The following DGLUCY variants were observed in gnomAD, a reference collection of about 807,000 sequenced individuals.
The protein encoded by DGLUCY is D-glutamate cyclase.
DGLUCY carries 58 observed loss-of-function variants against 58.5 expected under a neutral mutation model. The observed-to-expected ratio is 0.99, with a 90% confidence interval of 0.80 to 1.23. The LOEUF is 1.23. Ranked by LOEUF, DGLUCY falls within the 50% of genes most tolerant of loss-of-function variation. The pLI is 0.00. For missense variants in DGLUCY, 779 were observed against 784.7 expected, an observed-to-expected ratio of 0.99 and a Z score of 0.09; for synonymous variants, 325 against 314.1, an observed-to-expected ratio of 1.03 and a Z score of -0.37.
At chr14:91,061,169 G>C (rs373402636) in intron 1 of DGLUCY, among the ~76,000 whole-genome samples, 7 of 152,182 alleles carry the variant, frequency 4.6e-5, no homozygotes, top group Non-Finnish European at 1.0e-4. Context: ...TAAGGGTCCC[G>C]GCAGCGATCC....
At chr14:91,067,021 C>T (rs1440526211) in intron 1 of DGLUCY, among the ~76,000 whole-genome samples, 8 of 140,030 alleles carry the variant, frequency 5.7e-5, no homozygotes, top group Non-Finnish European at 1.2e-4. Context: ...GTGGAGCTTG[C>T]AGTGAGCCCA....
At chr14:91,153,733 C>T (rs2047449359) in intron 1 of DGLUCY, among the ~76,000 whole-genome samples, 1 of 152,174 alleles carries the variant, frequency 6.6e-6, no homozygotes, top group Non-Finnish European at 1.5e-5. Flanking sequence ...TGAAGGCAGC[C>T]TCTCCCCTGC....
rs773221166 is a variant in DGLUCY at position 91,181,182 on chromosome 14, T to G, written c.731-4T>G. 2.5e-6 allele frequency: 4 copies of G among 1,613,974 alleles called. No individual in the cohort carries two copies. Among genetic ancestry groups the G allele is most frequent in the Non-Finnish European group, 3.4e-6 (4 of 1,179,968 alleles). On this transcript the variant is annotated splice_region_variant and splice_polypyrimidine_tract_variant and intron_variant, in intron 7 of 13. Transcript: ENST00000256324. The stretch of plus-strand genomic sequence containing the variant: ...GGCTCAGACCCTCCTGCTGTGTGTT[T>G]TAGAGACCCCACTGGCTTTTGCCAG...
chr14:91,085,552 GT>G (rs112213563), intron 1 of DGLUCY, among the ~76,000 whole-genome samples: 6 of 134,908 alleles, frequency 4.4e-5, no homozygotes, highest in South Asian at 2.4e-4. Flanking sequence ...AAGTTCCTTT[GT>G]TTTTTTTTTG....
chr14:91,072,990 C>T (rs778358405), intron 1 of DGLUCY, among the ~76,000 whole-genome samples: 4 of 151,790 alleles, frequency 2.6e-5, no homozygotes, highest in Non-Finnish European at 5.9e-5. Flanking sequence ...GCCTGGGTGA[C>T]AGCAAAAAAA....
intron 1 of DGLUCY, among the ~76,000 whole-genome samples, chr14:91,083,810 A>G (rs2044168067): frequency 6.6e-6 from 1 of 152,084 alleles, no homozygotes; most frequent in Non-Finnish European, 1.5e-5. Context: ...TTCAGGGTTC[A>G]GCTTGGCTGT....
intron 6 of DGLUCY, chr14:91,175,619 C>A (rs973073989): frequency 3.7e-6 from 1 of 266,752 alleles, no homozygotes; most frequent in East Asian, 8.5e-5. Context: ...GGTCAACCCC[C>A]CAAGGCTGGC....
chr14:91,084,573 A>G (rs2044181106), intron 1 of DGLUCY, among the ~76,000 whole-genome samples: 1 of 152,088 alleles, frequency 6.6e-6, no homozygotes, highest in Non-Finnish European at 1.5e-5. Context: ...CAAGCCCTAA[A>G]GCAATTACAG....
chr14:91,183,951 GC>G (rs2049332931), intron 8 of DGLUCY, among the ~76,000 whole-genome samples: 1 of 152,036 alleles, frequency 6.6e-6, no homozygotes. Context: ...GGTACAAACC[GC>G]CCTTGGCACC....
In DGLUCY at chr14:91,199,973, GT is replaced by G; in HGVS notation, c.1444+70del. On this transcript the variant is annotated intron_variant, in intron 11 of 13. Coordinates refer to ENST00000256324, the MANE Select transcript of DGLUCY (RefSeq NM_001102368.3). ...TGAAGTGTCTTTTGTTGTTGTTGTT[GT>G]TATGGAGTCTTGCTCTGTCACCCAG... 5 of 1,578,436 alleles carry G rather than the reference GT, an allele frequency of 3.2e-6. No homozygotes were observed. In the Admixed American group the frequency reaches 5.1e-5, roughly 16 times the overall value.
At chr14:91,212,978 G>A (rs111915987) in intron 12 of DGLUCY, among the ~76,000 whole-genome samples, 1,984 of 150,476 alleles carry the variant, frequency 0.013, 45 homozygotes, top group African/African-American at 0.047. Context: ...TCCAGCCCGG[G>A]TGACAGAGTA....
upstream of DGLUCY, among the ~76,000 whole-genome samples, chr14:91,112,443 G>A (rs1049745904): frequency 5.9e-5 from 9 of 152,162 alleles, no homozygotes; most frequent in Non-Finnish European, 1.3e-4. Context: ...GAACACACGT[G>A]ATGGGTAGCT....
chr14:91,169,657 G>A (rs1180880743), intron 4 of DGLUCY, among the ~76,000 whole-genome samples: 4 of 151,442 alleles, frequency 2.6e-5, no homozygotes, highest in African/African-American at 7.3e-5. Flanking sequence ...TGATCTGCCC[G>A]CCTCGGCCTC....
intron 9 of DGLUCY, among the ~76,000 whole-genome samples, chr14:91,193,303 A>T (rs1006005165): frequency 6.6e-6 from 1 of 152,142 alleles, no homozygotes; most frequent in Non-Finnish European, 1.5e-5. Context: ...GGGTATTTTC[A>T]GCTGCCCCCT....
At chr14:91,220,370 A>G (rs1397998394) in intron 13 of DGLUCY, 6 of 409,590 alleles carry the variant, frequency 1.5e-5, no homozygotes, top group East Asian at 7.2e-5. Flanking sequence ...CAAGTGTTCA[A>G]TAAATGCCAA....
rs200494277 is a variant in DGLUCY, at chr14:91,224,743, C to T, written c.1776C>T (p.Ile592=). The change falls in exon 14 of 14, where the codon ATC becomes ATT. Residue 592 remains isoleucine, a synonymous_variant. Coordinates refer to ENST00000256324, the MANE Select transcript of DGLUCY (RefSeq NM_001102368.3). ...AAGTCCGGAGTGGCGTCTCGGGCAT[C>T]GTGGGCATGGAGGTGGATGGGCTGC... The part of the protein sequence containing the change: ...QHKVRSGVSG[I]VGMEVDGLPF... 3.1e-6 allele frequency: 5 copies of T among 1,613,612 alleles called. No individual in the cohort carries two copies. In the South Asian group the frequency reaches 3.3e-5, roughly 11 times the overall value.
At chr14:91,160,178 A>T in intron 2 of DGLUCY, 88 bp from the exon 3 acceptor site, 1 of 823,112 alleles carries the variant, frequency 1.2e-6, no homozygotes, top group South Asian at 1.4e-5. Context: ...GTAGGATGTG[A>T]TGTGGTATGT....
At chr14:91,178,038 G>A (rs1325898175) in intron 7 of DGLUCY, among the ~76,000 whole-genome samples, 1 of 152,266 alleles carries the variant, frequency 6.6e-6, no homozygotes, top group African/African-American at 2.4e-5. Flanking sequence ...GCCCTGCAGA[G>A]GAGATCTCAC....
At chr14:91,189,210 G>A (rs79397224) in intron 9 of DGLUCY, 40 bp downstream of exon 9, 28 of 1,608,758 alleles carry the variant, frequency 1.7e-5, no homozygotes, top group Non-Finnish European at 2.0e-5. Flanking sequence ...CCCCAAACGG[G>A]CTTTGTGGAC....
Sources: allele counts gnomAD v4.1 joint callset (sites outside exome capture counted in the v4.1 genomes callset), GRCh38; gene constraint gnomAD v4.1.1; transcripts MANE v1.5; gene names NCBI Gene and HGNC (gene_info 2026-07-23, HGNC 2026-07-21).